HNRNPA1: variants seen among roughly 807,000 people sequenced by gnomAD.
HNRNPA1 encodes the protein heterogeneous nuclear ribonucleoprotein A1, also known as epididymis secretory sperm binding protein.
HNRNPA1 carries 7 observed loss-of-function variants against 44.4 expected under a neutral mutation model. That is an observed-to-expected ratio of 0.16 (90% CI 0.09 to 0.30). The LOEUF (loss-of-function observed/expected upper bound fraction) is 0.30. HNRNPA1 is among the 10% of genes least tolerant of loss of function. The pLI, the probability that HNRNPA1 is intolerant of heterozygous loss-of-function variation, is 1.00. For synonymous variants in HNRNPA1, 169 were observed against 160.6 expected (o/e 1.05, Z -0.40); for missense variants, 193 against 465.8 (o/e 0.41, Z 5.39).
rs368532286 is a variant in HNRNPA1, at chr12:54,280,914, A to G, written c.15+92A>G. On this transcript the variant is annotated intron_variant, in intron 1 of 10. Coordinates refer to ENST00000340913, the MANE Select transcript of HNRNPA1 (RefSeq NM_031157.4). ...TGGGTTTCGTTCCTTGCACCAGCCC[A>G]TTCTACAGTTCCTTCGGTCGCTGCC... 3.7e-5 allele frequency: 52 copies of G among 1,387,612 alleles called. No homozygotes were observed. In the African/African-American group the frequency reaches 5.1e-4, roughly 14 times the overall value. The allele number at this position is 1,387,612 out of a possible 1,614,324, so 86.0% of individuals were successfully genotyped here.
chr12:54,282,757 T>G, intron 6 of HNRNPA1, 43 bp from the exon 7 acceptor site: 3 of 1,581,070 alleles, frequency 1.9e-6, no homozygotes, highest in East Asian at 2.3e-5. Context: ...GAATGTCACT[T>G]TAAGTCCAAG....
Position 54,284,302 on chromosome 12 carries a change from A to C in HNRNPA1, c.1108A>C (p.Arg370=). The C allele has an allele frequency of 6.2e-7, 1 of 1,613,926 alleles. No individual in the cohort carries two copies. Among genetic ancestry groups the C allele is most frequent in the Non-Finnish European group, 8.5e-7 (1 of 1,179,934 alleles). The stretch of plus-strand genomic sequence containing the variant: ...CAGCAGCAGTAGCTATGGCAGTGGC[A>C]GAAGATTTTAATTAGGTAAGTAAGC... ...SSSSSSYGSG[R]RF is the part of the protein sequence containing the mutation. The change falls in exon 10 of 11, where the codon AGA becomes CGA. Residue 370 remains arginine (R), a synonymous_variant. Transcript: ENST00000340913.
chr12:54,282,382 T>G lies in HNRNPA1; in HGVS notation c.491-12T>G, dbSNP rs759133940. The G allele has an allele frequency of 7.4e-5, 109 of 1,466,170 alleles. No homozygotes were observed. Among genetic ancestry groups the G allele is most frequent in the Non-Finnish European group, 8.9e-5 (95 of 1,063,758 alleles). 90.8% of individuals were successfully genotyped at this position (1,466,170 alleles called of 1,614,324 possible). A position where few individuals can be genotyped will look rare whatever the true frequency, so the allele number is the denominator to read the frequency against. On this transcript the variant is annotated splice_polypyrimidine_tract_variant and intron_variant, in intron 4 of 10. Coordinates refer to ENST00000340913, the MANE Select transcript of HNRNPA1 (RefSeq NM_031157.4). ...ACCCTGATACCATGTTGTATCTATG[T>G]TTTTTTTTTAGTTCAGAAATACCAT...
Position 54,286,837 on chromosome 12 carries a change from A to C in HNRNPA1, c.*2293A>C, listed in dbSNP as rs544539332. The stretch of plus-strand genomic sequence containing the variant: ...CCAAAACACTTCGTAATCTCATCCA[A>C]TTGCAAAAAGAGTTATTAGCCAACC... On this transcript the variant is annotated 3_prime_UTR_variant, in exon 11 of 11. Coordinates refer to ENST00000340913, the MANE Select transcript of HNRNPA1 (RefSeq NM_031157.4). 6.6e-5 allele frequency: 10 copies of C among 152,352 alleles called. No individual in the cohort carries two copies. Among genetic ancestry groups the C allele is most frequent in the African/African-American group, 2.4e-4 (10 of 41,572 alleles). The allele number at this position is 152,352 out of a possible 1,614,324, so 9.4% of individuals were successfully genotyped here. A position where few individuals can be genotyped will look rare whatever the true frequency, so the allele number is the denominator to read the frequency against.
intron 1 of HNRNPA1, 68 bp downstream of exon 1, chr12:54,280,890 G>A: frequency 6.4e-7 from 1 of 1,562,696 alleles, no homozygotes; most frequent in East Asian, 2.2e-5. Context: ...AGATGCTGCT[G>A]GGTTTCGTTC....
At chr12:54,283,643 A>G in intron 8 of HNRNPA1, 169 bp from the exon 9 acceptor site, 2 of 689,802 alleles carry the variant, frequency 2.9e-6, no homozygotes, top group Non-Finnish European at 5.0e-6. Flanking sequence ...TTACTGGATT[A>G]TTCAACTGAA....
intron 7 of HNRNPA1, 98 bp from the exon 8 acceptor site, chr12:54,282,981 T>C: frequency 6.7e-7 from 1 of 1,496,700 alleles, no homozygotes; most frequent in South Asian, 1.2e-5. Context: ...ACTTTGCCCA[T>C]AACACGCATG....
rs1341397955 is a variant in HNRNPA1, at chr12:54,285,846, G to A, written c.*1302G>A. 1 of 131,824 alleles carries A rather than the reference G, an allele frequency of 7.6e-6. No individual in the cohort carries two copies. The highest frequency in any genetic ancestry group is 1.6e-5 in the Non-Finnish European group (1 of 63,070). 8.2% of individuals were successfully genotyped at this position (131,824 alleles called of 1,614,324 possible). A position where few individuals can be genotyped will look rare whatever the true frequency, so the allele number is the denominator to read the frequency against. On this transcript the variant is annotated 3_prime_UTR_variant, in exon 11 of 11. Coordinates refer to ENST00000340913, the MANE Select transcript of HNRNPA1 (RefSeq NM_031157.4). Reference sequence around the variant, plus strand: ...ACTGTATATTCCATCCCATGGGTGTGTTGGAAGTTTGGGGAGGAGGAGGGT... The same window carrying A: ...ACTGTATATTCCATCCCATGGGTGTATTGGAAGTTTGGGGAGGAGGAGGGT...
chr12:54,282,937 G>A, intron 7 of HNRNPA1, 63 bp downstream of exon 7: 1 of 1,492,792 alleles, frequency 6.7e-7, no homozygotes, highest in South Asian at 1.2e-5. Context: ...GAATAGGTTA[G>A]TAGAGACTAA....
At chr12:54,281,565 C>G in intron 2 of HNRNPA1, 63 bp downstream of exon 2, 3 of 1,193,896 alleles carry the variant, frequency 2.5e-6, no homozygotes, top group Admixed American at 3.6e-5. Context: ...TTGGTGCAGT[C>G]TTCTCCGAAT....
Position 54,282,309 on chromosome 12 carries a change from C to G in HNRNPA1, c.490+9C>G. On this transcript the variant is annotated intron_variant, in intron 4 of 10. Transcript: ENST00000340913. Reference sequence around the variant, plus strand: ...CGTGGATAAGATTGTCAGTAAGTATCAGATAGTGGCATTTAGTAAGGGTTC... The same window carrying G: ...CGTGGATAAGATTGTCAGTAAGTATGAGATAGTGGCATTTAGTAAGGGTTC... 1 of 1,613,410 alleles carries G rather than the reference C, an allele frequency of 6.2e-7. No homozygotes were observed. The highest frequency in any genetic ancestry group is 8.5e-7 in the Non-Finnish European group (1 of 1,179,534).
In HNRNPA1 at chr12:54,282,567, C is replaced by G; in HGVS notation, c.584-6C>G. 1.2e-6 allele frequency: 2 copies of G among 1,613,344 alleles called. No individual in the cohort carries two copies. Among genetic ancestry groups the G allele is most frequent in the Non-Finnish European group, 1.7e-6 (2 of 1,179,532 alleles). On this transcript the variant is annotated splice_polypyrimidine_tract_variant and splice_region_variant and intron_variant, in intron 5 of 10. Coordinates refer to ENST00000340913, the MANE Select transcript of HNRNPA1 (RefSeq NM_031157.4). Reference sequence around the variant, plus strand: ...ATGATTTAATGCTTAAACTTCATGTCTTAAGGTCGAAGTGGTTCTGGAAAC... The same window carrying G: ...ATGATTTAATGCTTAAACTTCATGTGTTAAGGTCGAAGTGGTTCTGGAAAC...
chr12:54,282,643 T>C lies in HNRNPA1; in HGVS notation c.654T>C (p.Arg218=). The C allele has an allele frequency of 1.2e-6, 2 of 1,613,840 alleles. No homozygotes were observed. Among genetic ancestry groups the C allele is most frequent in the Non-Finnish European group, 1.7e-6 (2 of 1,179,784 alleles). ...GGFGGNDNFG[R]GGNFSGRGGF... ...TCGGTGGGAATGACAACTTCGGTCG[T>C]GGAGGAAACTTCAGTGGTCGTGGTA... The change falls in exon 6 of 11, where the codon CGT becomes CGC. Residue 218 remains arginine, a synonymous_variant. Coordinates refer to ENST00000340913, the MANE Select transcript of HNRNPA1 (RefSeq NM_031157.4).
chr12:54,284,238 A>G lies in HNRNPA1; in HGVS notation c.1064-20A>G. On this transcript the variant is annotated intron_variant, in intron 9 of 10. Coordinates refer to ENST00000340913, the MANE Select transcript of HNRNPA1 (RefSeq NM_031157.4). ...ACTGTTGGCACTTTGAAACTTTAAA[A>G]GAAAAATTGTACTTTTCAGGTGGCT... 6.2e-7 allele frequency: 1 copy of G among 1,611,446 alleles called. No homozygotes were observed. Among genetic ancestry groups the G allele is most frequent in the Non-Finnish European group, 8.5e-7 (1 of 1,178,652 alleles).
In HNRNPA1 at chr12:54,283,480, T is replaced by G. The variant is rs146454896; in HGVS notation, c.907+246T>G. Among the ~76,000 whole-genome samples the G allele has an allele frequency of 8.4e-3, 1,281 of 152,340 alleles. 7 individuals carry two copies. The highest frequency in any genetic ancestry group is 0.044 in the Middle Eastern group (13 of 294). On this transcript the variant is annotated intron_variant, in intron 8 of 10. Coordinates refer to ENST00000340913, the MANE Select transcript of HNRNPA1 (RefSeq NM_031157.4). ...GAAGGATTTAGTATTTTAACTCCTT[T>G]GGGACCTTAGGCGCTTAGTTGATGT...
rs768303840 is a variant in HNRNPA1 at position 54,282,137 on chromosome 12, T to G, written c.327T>G (p.Val109=). 1.9e-6 allele frequency: 3 copies of G among 1,607,508 alleles called. No homozygotes were observed. Among genetic ancestry groups the G allele is most frequent in the Non-Finnish European group, 2.5e-6 (3 of 1,176,960 alleles). ...GAHLTVKKIF[V]GGIKEDTEEH... is the part of the protein sequence containing the mutation. ...ACTTAACTGTGAAAAAGATATTTGT[T>G]GGTGGCATTAAAGAAGACACTGAAG... The change falls in exon 4 of 11, where the codon GTT becomes GTG. Residue 109 remains valine (V), a synonymous_variant. Coordinates refer to ENST00000340913, the MANE Select transcript of HNRNPA1 (RefSeq NM_031157.4).
chr12:54,283,566 T>A (rs1207552572), intron 8 of HNRNPA1, among the ~76,000 whole-genome samples: 2 of 152,088 alleles, frequency 1.3e-5, no homozygotes, highest in African/African-American at 4.8e-5. Context: ...GGCTGAAGGG[T>A]ATGCTTGTGC....
chr12:54,284,496 C>T (rs1381579229), intron 10 of HNRNPA1, 53 bp from the exon 11 acceptor site: 3 of 727,788 alleles, frequency 4.1e-6, no homozygotes, highest in East Asian at 5.4e-5. Context: ...TGGATTGTAG[C>T]CTTGAGTCTT....
intron 8 of HNRNPA1, among the ~76,000 whole-genome samples, 151 bp downstream of exon 8, chr12:54,283,385 T>G (rs1257165873): frequency 6.6e-6 from 1 of 152,186 alleles, no homozygotes; most frequent in African/African-American, 2.4e-5. Context: ...AGCTTTAAGC[T>G]GGGGCCGCCT....
Sources: gnomAD v4.1 joint callset for allele counts (sites outside exome capture counted in the v4.1 genomes callset) on GRCh38, gnomAD v4.1.1 for gene constraint, MANE v1.5 for transcripts, NCBI Gene and HGNC (gene_info 2026-07-23, HGNC 2026-07-21) for gene names.